UGT3A1: variants seen among roughly 807,000 people sequenced by gnomAD.
UGT3A1 encodes UDP-glycosyltransferase 3A1.
In UGT3A1, 40 loss-of-function variants were observed where a neutral mutation model predicts 37.6. The ratio of observed to expected loss-of-function variants is 1.06; its 90% CI spans 0.83 to 1.38. UGT3A1 has a LOEUF of 1.38. UGT3A1 is among the 40% of genes most tolerant of loss of function. The pLI is 0.00. For synonymous variants in UGT3A1, 256 were observed against 232.3 expected, an observed-to-expected ratio of 1.10 and a Z score of -0.93; for missense variants, 642 against 634.2, an observed-to-expected ratio of 1.01 and a Z score of -0.13.
chr5:35,976,799 A>G (rs1042374019), intron 2 of UGT3A1, among the ~76,000 whole-genome samples: 1 of 149,232 alleles, frequency 6.7e-6, no homozygotes, highest in African/African-American at 2.5e-5. Flanking sequence ...GTGCCAGTGC[A>G]CTCTAGCCTG....
rs1385526634 is a variant in UGT3A1, at chr5:35,951,554, T to C, written c.*2648A>G. 1 of 152,226 alleles carries C rather than the reference T, an allele frequency of 6.6e-6. No homozygotes were observed. Among genetic ancestry groups the C allele is most frequent in the African/African-American group, 2.4e-5 (1 of 41,458 alleles). 9.4% of individuals were successfully genotyped at this position (152,226 alleles called of 1,614,324 possible). A position where few individuals can be genotyped will look rare whatever the true frequency, so the allele number is the denominator to read the frequency against. Reference sequence around the variant, plus strand: ...TTTCAGTATGTATATGTATCATAGGTTCTTTCTTCAATTTTAATAGTTCTT... The same window carrying C: ...TTTCAGTATGTATATGTATCATAGGCTCTTTCTTCAATTTTAATAGTTCTT... On this transcript the variant is annotated 3_prime_UTR_variant, in exon 7 of 7. Coordinates refer to ENST00000274278, the MANE Select transcript of UGT3A1 (RefSeq NM_152404.4).
At chr5:35,987,376 C>A (rs952629000) in intron 2 of UGT3A1, among the ~76,000 whole-genome samples, 1 of 152,002 alleles carries the variant, frequency 6.6e-6, no homozygotes, top group African/African-American at 2.4e-5. Flanking sequence ...ACACTTGAAC[C>A]CAAAGATAAA....
intron 1 of UGT3A1, among the ~76,000 whole-genome samples, chr5:35,998,992 T>A (rs1741159361): frequency 6.6e-6 from 1 of 151,988 alleles, no homozygotes; most frequent in Non-Finnish European, 1.5e-5. Context: ...ATCCCAGCAC[T>A]TTCGGAGGCC....
chr5:35,996,024 A>G (rs1741087189), upstream of UGT3A1, among the ~76,000 whole-genome samples: 1 of 140,954 alleles, frequency 7.1e-6, no homozygotes, highest in African/African-American at 2.8e-5. Context: ...CGCTATGACA[A>G]AAAAAAAAAA....
chr5:35,975,504 C>T (rs1172581456), intron 2 of UGT3A1, among the ~76,000 whole-genome samples: 1 of 152,156 alleles, frequency 6.6e-6, no homozygotes, highest in South Asian at 2.1e-4. Context: ...TTACAAAATG[C>T]TTTATCTACT....
intron 2 of UGT3A1, among the ~76,000 whole-genome samples, chr5:35,971,811 G>C (rs976509065): frequency 2.0e-5 from 3 of 152,160 alleles, no homozygotes; most frequent in Non-Finnish European, 4.4e-5. Context: ...CTGTAGCTAA[G>C]TTCTGGCCAA....
chr5:35,993,264 G>C (rs947032134), upstream of UGT3A1, among the ~76,000 whole-genome samples: 1 of 152,092 alleles, frequency 6.6e-6, no homozygotes, highest in African/African-American at 2.4e-5. Flanking sequence ...AGGAGATTAA[G>C]ACCATCCTGG....
At chr5:35,998,850 A>C (rs750611083) in intron 1 of UGT3A1, among the ~76,000 whole-genome samples, 2 of 152,228 alleles carry the variant, frequency 1.3e-5, no homozygotes, top group African/African-American at 2.4e-5. Flanking sequence ...GAAGGCTTCA[A>C]ACATTTACAT....
intron 2 of UGT3A1, among the ~76,000 whole-genome samples, chr5:35,973,164 T>C (rs1293576123): frequency 6.6e-6 from 1 of 152,216 alleles, no homozygotes; most frequent in Non-Finnish European, 1.5e-5. Flanking sequence ...GAAGTTAATC[T>C]CTTTTGCATG....
chr5:35,974,807 C>G (rs962031122), intron 2 of UGT3A1, among the ~76,000 whole-genome samples: 1 of 152,204 alleles, frequency 6.6e-6, no homozygotes, highest in Non-Finnish European at 1.5e-5. Context: ...CACTCTCTAA[C>G]CTCAAGGATA....
rs1230739949 is a variant in UGT3A1, at chr5:35,953,336, C to A, written c.*866G>T. On this transcript the variant is annotated 3_prime_UTR_variant, in exon 7 of 7. Transcript: ENST00000274278. ...TATCAAGAAAGATGAAACAAATGAACAAAAACTCTGGGGGTGTTTACGCCA... is the reference window on the plus strand; with the variant it reads ...TATCAAGAAAGATGAAACAAATGAAAAAAAACTCTGGGGGTGTTTACGCCA... 1 of 152,296 alleles carries A rather than the reference C, an allele frequency of 6.6e-6. No individual in the cohort carries two copies. The highest frequency in any genetic ancestry group is 1.5e-5 in the Non-Finnish European group (1 of 68,024). 9.4% of individuals were successfully genotyped at this position (152,296 alleles called of 1,614,324 possible). A position where few individuals can be genotyped will look rare whatever the true frequency, so the allele number is the denominator to read the frequency against.
Position 35,991,338 on chromosome 5 carries a change from T to G in UGT3A1, c.-98A>C. The G allele has an allele frequency of 6.4e-7, 1 of 1,563,070 alleles. No individual in the cohort carries two copies. The highest frequency in any genetic ancestry group is 8.7e-7 in the Non-Finnish European group (1 of 1,155,372). On this transcript the variant is annotated 5_prime_UTR_variant, in exon 1 of 7. Transcript: ENST00000274278. ...GCCTCAGTACTCCAAAGGCACTGGCTGTGGGCCTAGGAAGAGGTAGGAGAC... is the reference window on the plus strand; with the variant it reads ...GCCTCAGTACTCCAAAGGCACTGGCGGTGGGCCTAGGAAGAGGTAGGAGAC...
Position 35,951,656 on chromosome 5 carries a change from C to T in UGT3A1, c.*2546G>A, listed in dbSNP as rs906082967. 5 of 152,144 alleles carry T rather than the reference C, an allele frequency of 3.3e-5. No individual in the cohort carries two copies. Among genetic ancestry groups the T allele is most frequent in the Non-Finnish European group, 7.3e-5 (5 of 68,036 alleles). 9.4% of individuals were successfully genotyped at this position (152,144 alleles called of 1,614,324 possible). ...TTCTCCAACTTTTTAATTTGGATCGCTAATCTTCTTACCATGATTTTTGCC... is the reference window on the plus strand; with the variant it reads ...TTCTCCAACTTTTTAATTTGGATCGTTAATCTTCTTACCATGATTTTTGCC... On this transcript the variant is annotated 3_prime_UTR_variant, in exon 7 of 7. Transcript: ENST00000274278.
In UGT3A1 at chr5:35,952,095, G is replaced by A. The variant is rs1279449792; in HGVS notation, c.*2107C>T. The A allele has an allele frequency of 6.6e-6, 1 of 152,218 alleles. No individual in the cohort carries two copies. The highest frequency in any genetic ancestry group is 1.5e-5 in the Non-Finnish European group (1 of 68,034). 9.4% of individuals were successfully genotyped at this position (152,218 alleles called of 1,614,324 possible). A position where few individuals can be genotyped will look rare whatever the true frequency, so the allele number is the denominator to read the frequency against. On this transcript the variant is annotated 3_prime_UTR_variant, in exon 7 of 7. Coordinates refer to ENST00000274278, the MANE Select transcript of UGT3A1 (RefSeq NM_152404.4). ...TGCAGTGAGCTCCATTTCAGGTGTAGTGGTCAGGCACAGGCTTACCAATGT... is the reference window on the plus strand; with the variant it reads ...TGCAGTGAGCTCCATTTCAGGTGTAATGGTCAGGCACAGGCTTACCAATGT...
At chr5:35,994,022 T>C (rs1319689294), upstream of UGT3A1, among the ~76,000 whole-genome samples, 2 of 152,080 alleles carry the variant, frequency 1.3e-5, no homozygotes, top group African/African-American at 4.8e-5. Flanking sequence ...CGGTCTGAGG[T>C]TTATTTGCTG....
intron 4 of UGT3A1, among the ~76,000 whole-genome samples, chr5:35,959,068 C>T (rs1007520066): frequency 4.6e-5 from 7 of 152,156 alleles, no homozygotes; most frequent in Admixed American, 3.3e-4. Context: ...GGGCGAGGTT[C>T]ATTGGGAAAT....
chr5:35,967,306 C>A (rs1406849586), intron 3 of UGT3A1, among the ~76,000 whole-genome samples: 1 of 152,176 alleles, frequency 6.6e-6, no homozygotes, highest in Non-Finnish European at 1.5e-5. Flanking sequence ...TGAGCACCAC[C>A]TTGACTACTG....
chr5:35,991,070 A>G (rs762728709), intron 1 of UGT3A1, 77 bp downstream of exon 1: 18 of 1,613,700 alleles, frequency 1.1e-5, no homozygotes, highest in South Asian at 2.2e-5. Flanking sequence ...ACTCTGATCA[A>G]TCGCCGTTCG....
chr5:36,000,371 A>C (rs1199048159), intron 1 of UGT3A1, among the ~76,000 whole-genome samples: 1 of 152,256 alleles, frequency 6.6e-6, no homozygotes, highest in Non-Finnish European at 1.5e-5. Context: ...CTCCCAGAAG[A>C]TGAGATGCCT....
Sources: gnomAD v4.1 joint callset for allele counts (sites outside exome capture counted in the v4.1 genomes callset) on GRCh38, gnomAD v4.1.1 for gene constraint, MANE v1.5 for transcripts, NCBI Gene and HGNC (gene_info 2026-07-23, HGNC 2026-07-21) for gene names.